The following PLXDC2 variants were observed in gnomAD, a reference collection of about 807,000 sequenced individuals.
The protein encoded by PLXDC2 is plexin domain containing 2.
PLXDC2 carries 40 observed loss-of-function variants against 68.9 expected under a neutral mutation model. The observed-to-expected ratio is 0.58, with a 90% CI of 0.45 to 0.76. The LOEUF (loss-of-function observed/expected upper bound fraction) is 0.76. Ranked by LOEUF, PLXDC2 falls within the 30% of genes least tolerant of loss-of-function variation. The pLI, the probability that PLXDC2 is intolerant of heterozygous loss-of-function variation, is 0.00. For synonymous variants in PLXDC2, 243 were observed against 234.2 expected, an observed-to-expected ratio of 1.04 and a Z score of -0.34; for missense variants, 644 against 661.9, an observed-to-expected ratio of 0.97 and a Z score of 0.30.
At chr10:19,898,634 T>A (rs773658719) in intron 1 of PLXDC2, among the ~76,000 whole-genome samples, 7 of 152,278 alleles carry the variant, frequency 4.6e-5, no homozygotes, top group Middle Eastern at 3.4e-3. Flanking sequence ...GGCTTATATA[T>A]CTATTTGTCG....
chr10:20,168,640 A>T (rs1834405706), intron 7 of PLXDC2, among the ~76,000 whole-genome samples: 1 of 152,210 alleles, frequency 6.6e-6, no homozygotes, highest in Non-Finnish European at 1.5e-5. Context: ...TTAGAAACAG[A>T]AAGAACCATA....
intron 6 of PLXDC2, among the ~76,000 whole-genome samples, chr10:20,157,466 A>G (rs1834232014): frequency 6.6e-6 from 1 of 152,240 alleles, no homozygotes; most frequent in African/African-American, 2.4e-5. Flanking sequence ...TTTTCAGGGC[A>G]GAACAAAGAG....
intron 13 of PLXDC2, among the ~76,000 whole-genome samples, chr10:20,275,691 T>C (rs529062638): frequency 9.9e-5 from 15 of 151,982 alleles, no homozygotes; most frequent in African/African-American, 1.5e-4. Context: ...GGCGGGTGGA[T>C]CATTTGAGGT....
chr10:20,217,184 G>A (rs536008084), intron 10 of PLXDC2, among the ~76,000 whole-genome samples: 2 of 152,284 alleles, frequency 1.3e-5, no homozygotes, highest in African/African-American at 4.8e-5. Context: ...CTTAACAGCA[G>A]TAAATGATGA....
At chr10:19,862,391 TA>T (rs1262670989) in intron 1 of PLXDC2, among the ~76,000 whole-genome samples, 1 of 152,186 alleles carries the variant, frequency 6.6e-6, no homozygotes, top group Non-Finnish European at 1.5e-5. Flanking sequence ...GTTTATTCAT[TA>T]AAAAATTTAT....
At chr10:19,858,020 C>T (rs572788117) in intron 1 of PLXDC2, among the ~76,000 whole-genome samples, 7 of 152,194 alleles carry the variant, frequency 4.6e-5, no homozygotes, top group African/African-American at 7.2e-5. Context: ...AATGACTTCC[C>T]GTTCATCTGT....
chr10:20,123,498 C>T (rs186680493), intron 4 of PLXDC2, among the ~76,000 whole-genome samples: 2 of 151,766 alleles, frequency 1.3e-5, no homozygotes, highest in Admixed American at 6.5e-5. Context: ...GAACTACTGT[C>T]GAGTTTGTAT....
intron 1 of PLXDC2, among the ~76,000 whole-genome samples, chr10:19,845,105 C>T (rs1836983150): frequency 6.6e-6 from 1 of 152,108 alleles, no homozygotes; most frequent in South Asian, 2.1e-4. Flanking sequence ...TAGGGAGTTG[C>T]CCACCCCCAA....
intron 4 of PLXDC2, among the ~76,000 whole-genome samples, chr10:20,111,610 A>C (rs1219643139): frequency 6.6e-6 from 1 of 152,256 alleles, no homozygotes; most frequent in Admixed American, 6.5e-5. Flanking sequence ...AAAGAATCAC[A>C]CTGTAATCAT....
chr10:19,966,440 A>C (rs1834262944), intron 1 of PLXDC2, among the ~76,000 whole-genome samples: 2 of 151,374 alleles, frequency 1.3e-5, no homozygotes, highest in Admixed American at 6.6e-5. Flanking sequence ...GTGCACATAT[A>C]TATAAAACAT....
rs1564308570 is a variant in PLXDC2 at position 20,082,072 on chromosome 10, A to AAAC, written c.541+13835_541+13836insCAA. ...AAAAAAAAAAAAAAAATCAAAAAAA[A>AAAC]AAAACAGGAGAAGTCTGAGAAACTA... On this transcript the variant is annotated intron_variant, in intron 4 of 13. Coordinates refer to ENST00000377252, the MANE Select transcript of PLXDC2 (RefSeq NM_032812.9). 1.1e-4 allele frequency among the ~76,000 whole-genome samples: 16 copies of AAAC among 149,336 alleles called. 1 individual carries two copies. Among genetic ancestry groups the AAAC allele is most frequent in the African/African-American group, 3.7e-4 (15 of 40,768 alleles).
intron 1 of PLXDC2, among the ~76,000 whole-genome samples, chr10:19,967,759 T>TA (rs1049810655): frequency 2.0e-5 from 3 of 152,134 alleles, no homozygotes; most frequent in African/African-American, 7.2e-5. Context: ...GAGAAAACAG[T>TA]AAAAAATCAG....
chr10:19,863,493 G>C (rs1009952524), intron 1 of PLXDC2, among the ~76,000 whole-genome samples: 2 of 152,114 alleles, frequency 1.3e-5, no homozygotes, highest in African/African-American at 4.8e-5. Flanking sequence ...TAGAATACAG[G>C]GAGCATCACT....
intron 9 of PLXDC2, among the ~76,000 whole-genome samples, chr10:20,190,334 G>T (rs939057052): frequency 6.6e-6 from 1 of 151,800 alleles, no homozygotes; most frequent in African/African-American, 2.4e-5. Flanking sequence ...ATAATTAAAA[G>T]TTAATTGTCC....
At chr10:20,170,047 A>C (rs910163877) in intron 7 of PLXDC2, among the ~76,000 whole-genome samples, 22 of 152,318 alleles carry the variant, frequency 1.4e-4, no homozygotes, top group African/African-American at 5.1e-4. Context: ...AGAAACATTA[A>C]GCATTTTCAC....
In PLXDC2 at chr10:20,176,676, T is replaced by C. The variant is rs551790520; in HGVS notation, c.884-323T>C. Among the ~76,000 whole-genome samples the C allele has an allele frequency of 2.0e-5, 3 of 152,236 alleles. No homozygotes were observed. The South Asian group carries it at 6.2e-4, about 32-fold the overall frequency. ...AATGGTATCATCTTACCTTCTTGAT[T>C]TCATGAGTCAAAATCTTTGAAAATA... On this transcript the variant is annotated intron_variant, in intron 7 of 13. Coordinates refer to ENST00000377252, the MANE Select transcript of PLXDC2 (RefSeq NM_032812.9).
At chr10:20,058,227 G>A (rs1836034813) in intron 3 of PLXDC2, among the ~76,000 whole-genome samples, 1 of 152,064 alleles carries the variant, frequency 6.6e-6, no homozygotes, top group African/African-American at 2.4e-5. Flanking sequence ...GATCAAGTTG[G>A]AGCATTTAGG....
chr10:19,842,942 TA>T (rs1265704207), intron 1 of PLXDC2, among the ~76,000 whole-genome samples: 1 of 152,240 alleles, frequency 6.6e-6, no homozygotes, highest in East Asian at 1.9e-4. Context: ...AGTGCACAGC[TA>T]AATGTATTCA....
intron 13 of PLXDC2, among the ~76,000 whole-genome samples, chr10:20,250,271 C>CCA (rs572486654): frequency 1.8e-5 from 2 of 108,470 alleles, no homozygotes; most frequent in Non-Finnish European, 3.6e-5. Context: ...GATCCTGTTT[C>CCA]AAAAAAAAAA....
Sources: allele counts gnomAD v4.1 joint callset (sites outside exome capture counted in the v4.1 genomes callset), GRCh38; gene constraint gnomAD v4.1.1; transcripts MANE v1.5; gene names NCBI Gene and HGNC (gene_info 2026-07-23, HGNC 2026-07-21).